The following CD5 variants were observed in gnomAD, a reference collection of about 807,000 sequenced individuals.
CD5 encodes CD5 molecule.
Under a neutral mutation model 60.3 loss-of-function variants are expected in CD5, and 36 were observed. That is an observed-to-expected ratio of 0.60 (90% CI 0.46 to 0.79). The LOEUF is 0.79. Among genes scored for constraint, CD5 ranks in the 30% least tolerant of loss-of-function variants. The probability of loss-of-function intolerance (pLI) is 0.00; values close to 1 mark genes in which losing one functional copy is unlikely to be tolerated. For synonymous variants in CD5, 230 were observed against 257.6 expected, an observed-to-expected ratio of 0.89 and a Z score of 1.03; for missense variants, 540 against 630.6, an observed-to-expected ratio of 0.86 and a Z score of 1.54.
intron 7 of CD5, 102 bp downstream of exon 7, chr11:61,123,134 C>A: frequency 7.5e-7 from 1 of 1,329,544 alleles, no homozygotes; most frequent in Non-Finnish European, 1.0e-6. Flanking sequence ...GAGAGCTGGG[C>A]ACGCAGGACA....
chr11:61,115,516 C>T (rs935076586), intron 2 of CD5, among the ~76,000 whole-genome samples: 2 of 152,168 alleles, frequency 1.3e-5, no homozygotes, highest in African/African-American at 4.8e-5. Context: ...CAGCCTTAGA[C>T]GTTGGAGTTT....
intron 1 of CD5, 104 bp downstream of exon 1, chr11:61,102,719 C>T: frequency 2.0e-6 from 2 of 1,004,450 alleles, no homozygotes; most frequent in Non-Finnish European, 3.0e-6. Context: ...CACATGTCAG[C>T]CCTCTGGAGC....
intron 5 of CD5, 51 bp from the exon 6 acceptor site, chr11:61,121,532 GTGGCATGGGGCCCCAGGAAGCAGCACAC>G: frequency 3.9e-6 from 5 of 1,288,490 alleles, no homozygotes; most frequent in Non-Finnish European, 5.1e-6. Context: ...CGATTTGCCA[GTGGCATGGGGCCCCAGGAAGCAGCACAC>G]AGGCTCAGGT....
intron 1 of CD5, among the ~76,000 whole-genome samples, chr11:61,109,057 T>C (rs989430320): frequency 6.6e-6 from 1 of 152,144 alleles, no homozygotes; most frequent in East Asian, 1.9e-4. Flanking sequence ...GAGTGCAGGT[T>C]ACAAAGCCAG....
chr11:61,116,606 CCACA>C (rs1207934796), intron 2 of CD5, among the ~76,000 whole-genome samples: 2 of 55,244 alleles, frequency 3.6e-5, no homozygotes, highest in Admixed American at 1.9e-4. Context: ...ACACCACACA[CCACA>C]CACATACCAC....
Position 61,103,149 on chromosome 11 carries a change from C to T in CD5, c.55+534C>T, listed in dbSNP as rs1860725361. Among the ~76,000 whole-genome samples the T allele has an allele frequency of 2.0e-5, 3 of 152,240 alleles. No homozygotes were observed. The South Asian group carries it at 6.2e-4, about 31-fold the overall frequency. On this transcript the variant is annotated intron_variant, in intron 1 of 10. Coordinates refer to ENST00000347785, the MANE Select transcript of CD5 (RefSeq NM_014207.4). The stretch of plus-strand genomic sequence containing the variant: ...AAGGACTCATAGCGGAAGTCCTAGG[C>T]CCTCTCATGCCCAGTCCTGGGTCAG...
upstream of CD5, among the ~76,000 whole-genome samples, chr11:61,099,409 T>TCACACACACACATCAACATGGAGACTA (rs111843769): frequency 7.8e-6 from 1 of 128,162 alleles, no homozygotes; most frequent in African/African-American, 3.5e-5. Context: ...AACATGGAAA[T>TCACACACACACATCAACATGGAGACTA]CACACACATC....
chr11:61,096,356 C>G, the CD5 span, among the ~76,000 whole-genome samples: 1 of 152,210 alleles, frequency 6.6e-6, no homozygotes, highest in Non-Finnish European at 1.5e-5. Flanking sequence ...GCGCAAGCAC[C>G]CCCAAGGAGC....
the CD5 span, among the ~76,000 whole-genome samples, chr11:61,097,062 C>A: frequency 1.3e-5 from 2 of 152,196 alleles, no homozygotes; most frequent in East Asian, 1.9e-4. Flanking sequence ...AGTTTACAAA[C>A]CCTCTCCTGA....
rs1861016417 is a variant in CD5, at chr11:61,119,303, G to A, written c.533G>A (p.Ser178Asn). 4 of 1,613,782 alleles carry A rather than the reference G, an allele frequency of 2.5e-6. No homozygotes were observed. Among genetic ancestry groups the A allele is most frequent in the African/African-American group, 1.3e-5 (1 of 74,918 alleles). The change falls in exon 5 of 11, where the codon AGC becomes AAC. Residue 178 changes from serine to asparagine, a missense_variant. Transcript: ENST00000347785. ...QHCAGVVEFYSGSLGGTISYE... is the reference protein window; with the variant it reads ...QHCAGVVEFYNGSLGGTISYE... ...TGTGCCGGCGTGGTGGAGTTCTACA[G>A]CGGCAGCCTGGGGGGTACCATCAGC...
At chr11:61,119,624 G>C (rs749597421) in intron 5 of CD5, 49 bp downstream of exon 5, 1 of 1,385,834 alleles carries the variant, frequency 7.2e-7, no homozygotes, top group South Asian at 1.3e-5. Context: ...TGCCCTAGGT[G>C]GGGTCACAGA....
intron 1 of CD5, among the ~76,000 whole-genome samples, chr11:61,114,352 A>C (rs1860904470): frequency 6.6e-6 from 1 of 152,194 alleles, no homozygotes; most frequent in Non-Finnish European, 1.5e-5. Flanking sequence ...GAATCCCAGC[A>C]CTTCAGGAAG....
intron 1 of CD5, among the ~76,000 whole-genome samples, chr11:61,114,769 G>A (rs1237046966): frequency 6.6e-6 from 1 of 152,184 alleles, no homozygotes; most frequent in South Asian, 2.1e-4. Context: ...ATCTATATAT[G>A]TGACATTCAC....
At chr11:61,104,803 A>G (rs1353880990) in intron 1 of CD5, among the ~76,000 whole-genome samples, 2 of 152,268 alleles carry the variant, frequency 1.3e-5, no homozygotes, top group African/African-American at 4.8e-5. Flanking sequence ...AGCGAGGCCC[A>G]GGAAGGCCGA....
rs142887604 is a variant in CD5 at position 61,107,863 on chromosome 11, C to T, written c.55+5248C>T. ...CTGCAGAGACGACAAGGGTCCCATGCACTGCCACAGATTCCCACAGAGACA... is the reference window on the plus strand; with the variant it reads ...CTGCAGAGACGACAAGGGTCCCATGTACTGCCACAGATTCCCACAGAGACA... On this transcript the variant is annotated intron_variant, in intron 1 of 10. Transcript: ENST00000347785. Among the ~76,000 whole-genome samples, 132 of 152,322 alleles carry T rather than the reference C, an allele frequency of 8.7e-4. 3 individuals carry two copies. Among genetic ancestry groups the T allele is most frequent in the African/African-American group, 3.1e-3 (129 of 41,570 alleles).
intron 5 of CD5, 93 bp from the exon 6 acceptor site, chr11:61,121,518 G>T: frequency 9.0e-7 from 1 of 1,110,688 alleles, no homozygotes; most frequent in East Asian, 2.8e-5. Context: ...CCTAGCCAGG[G>T]CCCCGATTTG....
intron 2 of CD5, among the ~76,000 whole-genome samples, chr11:61,116,328 G>T (rs552349925): frequency 1.5e-3 from 222 of 151,594 alleles, no homozygotes; most frequent in African/African-American, 5.3e-3. Flanking sequence ...TAATGACTAC[G>T]TTTATTTGTT....
intron 6 of CD5, among the ~76,000 whole-genome samples, chr11:61,122,373 TGATGGATG>T (rs6144363): frequency 0.05 from 5,878 of 116,624 alleles, 355 homozygotes; most frequent in African/African-American, 0.14. Context: ...GGTGGATGGA[TGATGGATG>T]GATGGATGGA....
intron 2 of CD5, among the ~76,000 whole-genome samples, chr11:61,116,648 CCACACACACCACA>C (rs1860961247): frequency 7.6e-6 from 1 of 131,588 alleles, no homozygotes; most frequent in African/African-American, 3.1e-5. Context: ...CACACACACC[CCACACACACCACA>C]CACACCACAC....
Sources: gnomAD v4.1 joint callset for allele counts (sites outside exome capture counted in the v4.1 genomes callset) on GRCh38, gnomAD v4.1.1 for gene constraint, MANE v1.5 for transcripts, NCBI Gene and HGNC (gene_info 2026-07-23, HGNC 2026-07-21) for gene names.